Variants in GPR160 observed in about 807,000 individuals in gnomAD.
GPR160 encodes the protein probable G protein-coupled receptor 160.
In GPR160, 2 loss-of-function variants were observed where a neutral mutation model predicts 2.6. That is an observed-to-expected ratio of 0.77 (90% CI 0.32 to 2.44). GPR160 has a LOEUF of 2.44. Ranked by LOEUF, GPR160 falls within the 30% of genes most tolerant of loss-of-function variation. GPR160 has a pLI of 0.11. For missense variants in GPR160, 351 were observed against 383.6 expected (o/e 0.91, Z 0.71); for synonymous variants, 130 against 132.2 (o/e 0.98, Z 0.12).
intron 2 of GPR160, among the ~76,000 whole-genome samples, chr3:170,069,654 G>T (rs1253237280): frequency 6.6e-6 from 1 of 152,028 alleles, no homozygotes; most frequent in African/African-American, 2.4e-5. Context: ...TTAACCAGTG[G>T]TCGATCCTGC....
intron 2 of GPR160, among the ~76,000 whole-genome samples, chr3:170,060,001 T>A (rs1257017118): frequency 6.6e-6 from 1 of 152,080 alleles, no homozygotes; most frequent in Non-Finnish European, 1.5e-5. Context: ...TAGCTTTGCA[T>A]TGGAGGTATC....
intron 3 of GPR160, among the ~76,000 whole-genome samples, chr3:170,080,213 G>A (rs1168294428): frequency 1.3e-5 from 2 of 152,128 alleles, no homozygotes; most frequent in Admixed American, 6.5e-5. Context: ...TCTTGTTCAG[G>A]GAGTTGTTTT....
rs149062262 is a variant in GPR160 at position 170,075,273 on chromosome 3, C to T, written c.-192-4501C>T. On this transcript the variant is annotated intron_variant, in intron 2 of 3. Coordinates refer to ENST00000355897, the MANE Select transcript of GPR160 (RefSeq NM_014373.3). ...CAAAAGAATATCAGAAGGAAAAATG[C>T]AAAAGTATATGACTTTTACAAATAT... 4.5e-4 allele frequency among the ~76,000 whole-genome samples: 68 copies of T among 152,208 alleles called. No individual in the cohort carries two copies. The East Asian group carries it at 0.012, about 27-fold the overall frequency.
chr3:170,064,666 A>C (rs750437734), intron 2 of GPR160, among the ~76,000 whole-genome samples: 3 of 151,578 alleles, frequency 2.0e-5, no homozygotes, highest in Admixed American at 1.3e-4. Context: ...CTACAGGCAC[A>C]TGCCACCGCG....
intron 2 of GPR160, among the ~76,000 whole-genome samples, chr3:170,055,082 C>A (rs757788607): frequency 1.3e-5 from 2 of 152,230 alleles, no homozygotes; most frequent in Non-Finnish European, 2.9e-5. Flanking sequence ...GCATAAGCCA[C>A]CGTGCCCGGC....
At chr3:170,070,122 A>G (rs1576908253) in intron 2 of GPR160, among the ~76,000 whole-genome samples, 1 of 152,314 alleles carries the variant, frequency 6.6e-6, no homozygotes, top group African/African-American at 2.4e-5. Flanking sequence ...ATCATACCAT[A>G]ATTTCCCATT....
chr3:170,064,708 C>T (rs1212239233), intron 2 of GPR160, among the ~76,000 whole-genome samples: 5 of 151,642 alleles, frequency 3.3e-5, no homozygotes, highest in Non-Finnish European at 5.9e-5. Context: ...TTAGTAGAGA[C>T]GGGGTTTCAC....
intron 2 of GPR160, among the ~76,000 whole-genome samples, chr3:170,051,070 A>G (rs934071298): frequency 1.2e-4 from 18 of 152,356 alleles, no homozygotes; most frequent in Admixed American, 1.0e-3. Context: ...GTGCAATGTT[A>G]GAGTCCCACT....
chr3:170,039,338 A>G (rs1474529773), intron 2 of GPR160, among the ~76,000 whole-genome samples: 1 of 152,186 alleles, frequency 6.6e-6, no homozygotes, highest in African/African-American at 2.4e-5. Context: ...TGCAGTTTCA[A>G]AACGATTTAA....
chr3:170,073,253 A>G (rs1222413966), intron 2 of GPR160, among the ~76,000 whole-genome samples: 1 of 152,006 alleles, frequency 6.6e-6, no homozygotes, highest in East Asian at 1.9e-4. Flanking sequence ...AAGCTAATAT[A>G]TCTACCCAGG....
intron 2 of GPR160, among the ~76,000 whole-genome samples, chr3:170,066,122 T>C (rs181411519): frequency 2.5e-5 from 3 of 122,062 alleles, no homozygotes; most frequent in Admixed American, 9.0e-5. Context: ...ACTATTCTTT[T>C]TCTTTTTCTT....
chr3:170,062,951 G>T (rs901903217), intron 2 of GPR160: 1 of 301,602 alleles, frequency 3.3e-6, no homozygotes, highest in Non-Finnish European at 6.3e-6. Flanking sequence ...GATCACCGAC[G>T]CCACGGGACC....
At chr3:170,044,740 C>T (rs1716626757) in intron 2 of GPR160, among the ~76,000 whole-genome samples, 1 of 152,170 alleles carries the variant, frequency 6.6e-6, no homozygotes. Flanking sequence ...GAGCTGGACC[C>T]CAGCCACTCT....
chr3:170,047,918 A>T (rs1716795278), intron 2 of GPR160, among the ~76,000 whole-genome samples: 1 of 149,748 alleles, frequency 6.7e-6, no homozygotes, highest in African/African-American at 2.5e-5. Flanking sequence ...GCTCACTGCA[A>T]CCTCCACCTC....
chr3:170,080,369 C>A (rs890209607), intron 3 of GPR160, among the ~76,000 whole-genome samples: 18 of 152,190 alleles, frequency 1.2e-4, no homozygotes, highest in Non-Finnish European at 4.4e-5. Flanking sequence ...TGGCCAAAAT[C>A]TTGTTTTCCA....
intron 2 of GPR160, among the ~76,000 whole-genome samples, chr3:170,045,767 G>A (rs1406437351): frequency 6.6e-6 from 1 of 152,068 alleles, no homozygotes; most frequent in Non-Finnish European, 1.5e-5. Flanking sequence ...AGGAAGAGTG[G>A]GTTAATTGGT....
chr3:170,041,288 G>T (rs1716435974), intron 2 of GPR160, among the ~76,000 whole-genome samples: 1 of 149,922 alleles, frequency 6.7e-6, no homozygotes, highest in Non-Finnish European at 1.5e-5. Context: ...CTAGTCTAAA[G>T]GATGTAAAGA....
At position 170,084,680 on chromosome 3, in the gene GPR160, T is replaced by TA. The variant is rs748213865; in HGVS notation, c.715dup (p.Ile239AsnfsTer28). ...CCCACTCCAGTTATACTGTGAGATCTAAAAAAATATTCTTATCCAAGCTCA... is the reference window on the plus strand; with the variant it reads ...CCCACTCCAGTTATACTGTGAGATCTAAAAAAAATATTCTTATCCAAGCTCA... On this transcript the variant is annotated frameshift_variant, in exon 4 of 4. Coordinates refer to ENST00000355897, the MANE Select transcript of GPR160 (RefSeq NM_014373.3). LOFTEE classifies it high-confidence loss of function. 1.2e-5 allele frequency: 19 copies of TA among 1,611,512 alleles called. No homozygotes were observed. In the South Asian group the frequency reaches 1.3e-4, roughly 11 times the overall value.
At chr3:170,061,967 A>AG (rs1711982905) in intron 2 of GPR160, among the ~76,000 whole-genome samples, 3 of 152,180 alleles carry the variant, frequency 2.0e-5, no homozygotes, top group African/African-American at 7.2e-5. Context: ...TGGGCAACAT[A>AG]GGGAGACCCC....
Sources: allele counts gnomAD v4.1 joint callset (sites outside exome capture counted in the v4.1 genomes callset), GRCh38; gene constraint gnomAD v4.1.1; transcripts MANE v1.5; gene names NCBI Gene and HGNC (gene_info 2026-07-23, HGNC 2026-07-21).